MACROD2: variants seen among roughly 807,000 people sequenced by gnomAD.
MACROD2 encodes the protein ADP-ribose glycohydrolase MACROD2.
Under a neutral mutation model 70.4 loss-of-function variants are expected in MACROD2, and 36 were observed. The observed-to-expected ratio is 0.51, with a 90% CI of 0.39 to 0.68. The LOEUF is 0.68. Ranked by LOEUF, MACROD2 falls within the 30% of genes least tolerant of loss-of-function variation. MACROD2 has a pLI of 0.00. For synonymous variants in MACROD2, 172 were observed against 178.8 expected (o/e 0.96, Z 0.30); for missense variants, 496 against 538.4 (o/e 0.92, Z 0.78).
intron 5 of MACROD2, among the ~76,000 whole-genome samples, chr20:14,715,262 T>C (rs905069812): frequency 4.6e-5 from 7 of 152,114 alleles, no homozygotes; most frequent in Non-Finnish European, 1.0e-4. Context: ...TGCAGAAAAC[T>C]GTCTCCATGA....
intron 5 of MACROD2, among the ~76,000 whole-genome samples, chr20:14,898,957 C>A (rs188068846): frequency 2.0e-5 from 3 of 152,280 alleles, no homozygotes; most frequent in Admixed American, 6.5e-5. Flanking sequence ...TTAAATCATG[C>A]CTTTTTTTCT....
chr20:15,243,461 C>A (rs545337290), intron 6 of MACROD2, among the ~76,000 whole-genome samples: 1 of 152,034 alleles, frequency 6.6e-6, no homozygotes, highest in Non-Finnish European at 1.5e-5. Flanking sequence ...ACAGTAGAAT[C>A]GAAGGAAACA....
intron 5 of MACROD2, among the ~76,000 whole-genome samples, chr20:15,217,324 C>T (rs542636477): frequency 9.2e-5 from 14 of 152,242 alleles, no homozygotes; most frequent in African/African-American, 3.4e-4. Context: ...GCCAGGTACT[C>T]GACTTGATGC....
intron 3 of MACROD2, among the ~76,000 whole-genome samples, chr20:14,465,285 T>A (rs534519986): frequency 1.7e-4 from 26 of 152,250 alleles, no homozygotes; most frequent in African/African-American, 6.0e-4. Flanking sequence ...TTTACCATTA[T>A]GTAATGGCCT....
At chr20:15,314,010 T>C (rs1173770942) in intron 6 of MACROD2, among the ~76,000 whole-genome samples, 2 of 152,200 alleles carry the variant, frequency 1.3e-5, no homozygotes, top group Non-Finnish European at 2.9e-5. Flanking sequence ...TAATAATGGG[T>C]AGCTCTTCAT....
intron 8 of MACROD2, among the ~76,000 whole-genome samples, chr20:15,714,938 C>T (rs533495031): frequency 8.5e-5 from 13 of 152,058 alleles, no homozygotes; most frequent in African/African-American, 2.4e-4. Context: ...TAAATACTCA[C>T]GAATTTTAAA....
intron 3 of MACROD2, among the ~76,000 whole-genome samples, chr20:14,164,089 T>G (rs1216753561): frequency 6.6e-6 from 1 of 152,282 alleles, no homozygotes; most frequent in Admixed American, 6.5e-5. Flanking sequence ...TTTTTTGAGT[T>G]TGCTTTATAG....
chr20:15,748,722 G>A (rs1199776470), intron 8 of MACROD2, among the ~76,000 whole-genome samples: 1 of 152,058 alleles, frequency 6.6e-6, no homozygotes, highest in African/African-American at 2.4e-5. Context: ...TTCCACTCAA[G>A]TGTATTCCAA....
rs186693981 is a variant in MACROD2 at position 14,365,276 on chromosome 20, C to T, written c.272-128203C>T. ...GGTACACAATTATTTATAGTATTCT[C>T]TTATAATCATTTTTATTTCTCTAAG... is the stretch of plus-strand genomic sequence containing the variant. On this transcript the variant is annotated intron_variant, in intron 3 of 17. Transcript: ENST00000684519. Among the ~76,000 whole-genome samples the T allele has an allele frequency of 6.9e-4, 104 of 151,784 alleles. 2 individuals are homozygous for T. Among genetic ancestry groups the T allele is most frequent in the African/African-American group, 2.5e-3 (102 of 41,412 alleles).
intron 6 of MACROD2, among the ~76,000 whole-genome samples, chr20:15,286,862 G>T (rs941305116): frequency 2.0e-5 from 3 of 152,102 alleles, no homozygotes; most frequent in Non-Finnish European, 4.4e-5. Flanking sequence ...TGGTAAATTT[G>T]TAGAACCCAG....
intron 6 of MACROD2, among the ~76,000 whole-genome samples, chr20:15,350,878 A>G (rs1341082077): frequency 3.3e-5 from 5 of 152,058 alleles, no homozygotes; most frequent in Admixed American, 3.3e-4. Flanking sequence ...TGGTAACTTA[A>G]TTTTTCTTCT....
chr20:15,618,093 G>GTAT (rs1398624430), intron 8 of MACROD2, among the ~76,000 whole-genome samples: 2 of 60,628 alleles, frequency 3.3e-5, no homozygotes, highest in Non-Finnish European at 6.3e-5. Context: ...GCCATCATTA[G>GTAT]TCTTTTTTTT....
At position 15,177,330 on chromosome 20, in the gene MACROD2, G is replaced by T. The variant is rs148517250; in HGVS notation, c.419-52610G>T. 1.6e-3 allele frequency among the ~76,000 whole-genome samples: 243 copies of T among 152,316 alleles called. 1 individual carries two copies. The highest frequency in any genetic ancestry group is 5.7e-3 in the African/African-American group (235 of 41,552). ...TGTTCTAGAAGGTTGAATACGCACT[G>T]GTCCAAACAGATTTCTTGCCTTCCT... On this transcript the variant is annotated intron_variant, in intron 5 of 17. Transcript: ENST00000684519.
chr20:14,830,401 A>C (rs1485609283), intron 5 of MACROD2, among the ~76,000 whole-genome samples: 2 of 152,134 alleles, frequency 1.3e-5, no homozygotes, highest in Non-Finnish European at 2.9e-5. Context: ...TTTGTTTATA[A>C]ATTGAGATTT....
chr20:14,896,791 C>T (rs2073835353), intron 5 of MACROD2, among the ~76,000 whole-genome samples: 1 of 152,142 alleles, frequency 6.6e-6, no homozygotes. Context: ...GGCAAAATGC[C>T]AGTCCACATG....
chr20:15,381,765 T>C (rs1248708751), intron 6 of MACROD2, among the ~76,000 whole-genome samples: 1 of 152,150 alleles, frequency 6.6e-6, no homozygotes, highest in Non-Finnish European at 1.5e-5. Flanking sequence ...GGAAGTGGTG[T>C]TGGGGCAAAG....
At chr20:14,700,381 G>T (rs559407577) in intron 5 of MACROD2, among the ~76,000 whole-genome samples, 1 of 152,126 alleles carries the variant, frequency 6.6e-6, no homozygotes, top group South Asian at 2.1e-4. Flanking sequence ...TTTCATTATG[G>T]ACCTTTTATA....
intron 11 of MACROD2, among the ~76,000 whole-genome samples, chr20:15,936,477 G>A (rs1441730116): frequency 1.4e-5 from 2 of 147,012 alleles, no homozygotes; most frequent in African/African-American, 5.0e-5. Context: ...TTTATATATA[G>A]TATATTTATA....
At chr20:14,073,363 G>C (rs932300179) in intron 2 of MACROD2, among the ~76,000 whole-genome samples, 1 of 151,680 alleles carries the variant, frequency 6.6e-6, no homozygotes, top group Admixed American at 6.6e-5. Context: ...TATGATTCAC[G>C]CAAATATAAA....
Sources: gnomAD v4.1 joint callset for allele counts (sites outside exome capture counted in the v4.1 genomes callset) on GRCh38, gnomAD v4.1.1 for gene constraint, MANE v1.5 for transcripts, NCBI Gene and HGNC (gene_info 2026-07-23, HGNC 2026-07-21) for gene names.